The following EML1 variants were observed in gnomAD, a reference collection of about 807,000 sequenced individuals.
EML1 encodes EMAP like 1, also known as echinoderm microtubule-associated protein-like 1.
EML1 carries 27 observed loss-of-function variants against 110.4 expected under a neutral mutation model. The ratio of observed to expected loss-of-function variants is 0.24; its 90% CI spans 0.18 to 0.34. The LOEUF (loss-of-function observed/expected upper bound fraction) is 0.34, where lower values mean the gene tolerates loss of function less well. Ranked by LOEUF, EML1 falls within the 10% of genes least tolerant of loss-of-function variation. EML1 has a pLI of 1.00. For synonymous variants in EML1, 344 were observed against 385.8 expected (o/e 0.89, Z 1.27); for missense variants, 741 against 1,030.9 (o/e 0.72, Z 3.85).
At chr14:99,862,594 A>G (rs1290321708) in intron 2 of EML1, among the ~76,000 whole-genome samples, 1 of 152,190 alleles carries the variant, frequency 6.6e-6, no homozygotes, top group Non-Finnish European at 1.5e-5. Context: ...TTGGGTTATA[A>G]TCGAATACTA....
At chr14:99,924,023 A>C (rs1433822822) in intron 17 of EML1, among the ~76,000 whole-genome samples, 3 of 152,212 alleles carry the variant, frequency 2.0e-5, no homozygotes, top group Non-Finnish European at 4.4e-5. Flanking sequence ...TTTACAGATC[A>C]ATATGGGGGA....
At chr14:99,740,229 A>C (rs2057026530) in intron 1 of EML1, among the ~76,000 whole-genome samples, 1 of 152,176 alleles carries the variant, frequency 6.6e-6, no homozygotes, top group Non-Finnish European at 1.5e-5. Context: ...TGAAGCTCAG[A>C]GAGGCACATG....
intron 1 of EML1, among the ~76,000 whole-genome samples, chr14:99,839,571 A>G: frequency 6.6e-6 from 1 of 152,138 alleles, no homozygotes; most frequent in East Asian, 1.9e-4. Context: ...CATCTCCATC[A>G]CCACCATTAT....
intron 2 of EML1, among the ~76,000 whole-genome samples, chr14:99,859,042 C>T (rs1010133970): frequency 1.3e-5 from 2 of 152,136 alleles, no homozygotes; most frequent in Non-Finnish European, 2.9e-5. Context: ...GTAGATTTGG[C>T]TAGCTTTACT....
chr14:99,791,984 G>C (rs113241360), upstream of EML1, among the ~76,000 whole-genome samples: 1 of 152,200 alleles, frequency 6.6e-6, no homozygotes, highest in Non-Finnish European at 1.5e-5. Flanking sequence ...CGCAGCACCT[G>C]TGGCCCTTCA....
At chr14:99,750,652 C>A (rs1315381157) in intron 1 of EML1, among the ~76,000 whole-genome samples, 1 of 152,100 alleles carries the variant, frequency 6.6e-6, no homozygotes, top group Non-Finnish European at 1.5e-5. Context: ...CATTTTAGGT[C>A]GAGTCCCCTG....
chr14:99,909,010 C>T (rs1391828279), intron 10 of EML1, among the ~76,000 whole-genome samples: 2 of 152,188 alleles, frequency 1.3e-5, no homozygotes, highest in African/African-American at 2.4e-5. Context: ...TCTGAAGTCC[C>T]TCTGGTCCCA....
At chr14:99,937,483 G>A (rs10137943) in intron 19 of EML1, among the ~76,000 whole-genome samples, 7,505 of 152,080 alleles carry the variant, frequency 0.049, 621 homozygotes, top group African/African-American at 0.17. Context: ...GACCGCAGAG[G>A]CAGAGCTGTG....
Position 99,828,918 on chromosome 14 carries a change from T to TGAGGAG in EML1, c.68-21926_68-21921dup, listed in dbSNP as rs576549154. ...CTCGTCGTCTTCACGTTGAGTAGGC[T>TGAGGAG]GAGGAGGAGGAGGAAGAGGAAAGCA... On this transcript the variant is annotated intron_variant, in intron 1 of 21. Transcript: ENST00000262233. Among the ~76,000 whole-genome samples the TGAGGAG allele has an allele frequency of 1.8e-4, 28 of 152,064 alleles. No individual in the cohort carries two copies. The South Asian group carries it at 5.4e-3, about 29-fold the overall frequency.
At chr14:99,822,570 A>G (rs2058282449) in intron 1 of EML1, among the ~76,000 whole-genome samples, 1 of 152,110 alleles carries the variant, frequency 6.6e-6, no homozygotes, top group African/African-American at 2.4e-5. Context: ...CCTTTGATTT[A>G]TCTTTTTCAT....
intron 2 of EML1, among the ~76,000 whole-genome samples, chr14:99,853,221 T>A (rs1460645438): frequency 6.6e-6 from 1 of 152,224 alleles, no homozygotes; most frequent in Non-Finnish European, 1.5e-5. Context: ...AATCAAAGCT[T>A]AGTTGCCAGA....
At chr14:99,875,002 G>T in intron 3 of EML1, 4 of 1,612,306 alleles carry the variant, frequency 2.5e-6, no homozygotes, top group Admixed American at 1.7e-5. Context: ...GGGGAACTTA[G>T]ATTTACTTTG....
chr14:99,917,173 G>A (rs915568363), intron 15 of EML1, among the ~76,000 whole-genome samples: 9 of 152,132 alleles, frequency 5.9e-5, no homozygotes, highest in Non-Finnish European at 1.2e-4. Flanking sequence ...TGAAGGGGCT[G>A]GGTTCTATAA....
chr14:99,846,270 T>G (rs2058706019), intron 1 of EML1, among the ~76,000 whole-genome samples: 1 of 149,284 alleles, frequency 6.7e-6, no homozygotes, highest in African/African-American at 2.5e-5. Context: ...TTCTTATTTT[T>G]CCAGCTGGTG....
At chr14:99,811,621 G>A (rs2058081067) in intron 1 of EML1, among the ~76,000 whole-genome samples, 2 of 126,266 alleles carry the variant, frequency 1.6e-5, no homozygotes, top group Non-Finnish European at 1.6e-5. Context: ...TGGGCAACAC[G>A]ATAAAACCCT....
At chr14:99,892,683 A>G (rs1289653176) in intron 5 of EML1, among the ~76,000 whole-genome samples, 2 of 152,200 alleles carry the variant, frequency 1.3e-5, no homozygotes, top group Non-Finnish European at 2.9e-5. Flanking sequence ...TGCCTAGTTC[A>G]GTAAGTTAAA....
chr14:99,885,138 G>A (rs1376809887), intron 4 of EML1, among the ~76,000 whole-genome samples: 2 of 152,224 alleles, frequency 1.3e-5, no homozygotes, highest in African/African-American at 4.8e-5. Context: ...GAACATGAGT[G>A]CTCAATAACT....
chr14:99,837,402 A>C (rs1041318025), intron 1 of EML1, among the ~76,000 whole-genome samples: 2 of 152,176 alleles, frequency 1.3e-5, no homozygotes, highest in African/African-American at 4.8e-5. Flanking sequence ...CTGTTCTTTT[A>C]GCTGTTTAAG....
At chr14:99,874,142 A>G (rs1264993163) in intron 3 of EML1, among the ~76,000 whole-genome samples, 2 of 152,176 alleles carry the variant, frequency 1.3e-5, no homozygotes, top group Non-Finnish European at 2.9e-5. Flanking sequence ...ATTCTTATTA[A>G]CCATAAGAAG....
Sources: gnomAD v4.1 joint callset for allele counts (sites outside exome capture counted in the v4.1 genomes callset) on GRCh38, gnomAD v4.1.1 for gene constraint, MANE v1.5 for transcripts, NCBI Gene and HGNC (gene_info 2026-07-23, HGNC 2026-07-21) for gene names.